ZCCHC2: variants seen among roughly 807,000 people sequenced by gnomAD.
The protein encoded by ZCCHC2 is zinc finger CCHC-type containing 2.
Under a neutral mutation model 103.6 loss-of-function variants are expected in ZCCHC2, and 39 were observed. The observed-to-expected ratio is 0.38, with a 90% CI of 0.29 to 0.49. ZCCHC2 has a LOEUF of 0.49. ZCCHC2 is among the 20% of genes least tolerant of loss of function. The probability of loss-of-function intolerance (pLI) is 0.96; values close to 1 mark genes in which losing one functional copy is unlikely to be tolerated. For synonymous variants in ZCCHC2, 687 were observed against 608.9 expected (o/e 1.13, Z -1.89); for missense variants, 1,483 against 1,491.0 (o/e 0.99, Z 0.09).
chr18:62,536,577 A>G (rs1038874077), intron 1 of ZCCHC2, among the ~76,000 whole-genome samples: 10 of 152,170 alleles, frequency 6.6e-5, no homozygotes, highest in African/African-American at 2.4e-4. Context: ...TAAGGAAAGT[A>G]AAGAGGGAGT....
At chr18:62,546,669 C>G (rs1307643554) in intron 4 of ZCCHC2, among the ~76,000 whole-genome samples, 1 of 152,184 alleles carries the variant, frequency 6.6e-6, no homozygotes, top group Non-Finnish European at 1.5e-5. Flanking sequence ...CAGCTGACCC[C>G]CAGCTGAGGC....
At chr18:62,555,738 G>A (rs1173117094) in intron 5 of ZCCHC2, among the ~76,000 whole-genome samples, 1 of 152,120 alleles carries the variant, frequency 6.6e-6, no homozygotes, top group Non-Finnish European at 1.5e-5. Flanking sequence ...AACCTGGGAG[G>A]CGGAGGTTGC....
chr18:62,585,295 T>G (rs1396257734), exon 15 of ZCCHC2: 2 of 152,286 alleles, frequency 1.3e-5, no homozygotes, highest in Non-Finnish European at 2.9e-5. Flanking sequence ...TTAAATCTAC[T>G]GAAGCAGTGG....
intron 1 of ZCCHC2, among the ~76,000 whole-genome samples, chr18:62,534,931 C>T (rs994459538): frequency 6.6e-6 from 1 of 152,238 alleles, no homozygotes; most frequent in African/African-American, 2.4e-5. Context: ...AAATCAGTTA[C>T]TGCCGTAGAT....
chr18:62,532,140 C>T (rs1352410213), intron 1 of ZCCHC2, among the ~76,000 whole-genome samples: 3 of 152,188 alleles, frequency 2.0e-5, no homozygotes, highest in Non-Finnish European at 4.4e-5. Context: ...CGCGCACGTG[C>T]GCCCTTATGG....
chr18:62,580,516 GT>G (rs1917015271), downstream of ZCCHC2, among the ~76,000 whole-genome samples: 1 of 146,986 alleles, frequency 6.8e-6, no homozygotes, highest in African/African-American at 2.7e-5. Context: ...TGGTGTCACA[GT>G]GCTGTGGAAG....
intron 3 of ZCCHC2, 64 bp downstream of exon 3, chr18:62,542,638 G>T: frequency 7.1e-7 from 1 of 1,410,604 alleles, no homozygotes; most frequent in Non-Finnish European, 9.7e-7. Flanking sequence ...GGGAAAACTT[G>T]TGGCAGGTTT....
intron 4 of ZCCHC2, among the ~76,000 whole-genome samples, chr18:62,546,622 G>C (rs1484033799): frequency 1.3e-5 from 2 of 152,274 alleles, no homozygotes; most frequent in African/African-American, 4.8e-5. Context: ...GTGCGTGTGG[G>C]GTCCTGCTTC....
Position 62,564,714 on chromosome 18 carries a change from A to G in ZCCHC2, c.1751+79A>G, listed in dbSNP as rs1178129886. ...AGTTTATGATAGTATACAACATAGTATTTTTTTAGTTAGTTTTCTTTATAT... is the reference window on the plus strand; with the variant it reads ...AGTTTATGATAGTATACAACATAGTGTTTTTTTAGTTAGTTTTCTTTATAT... On this transcript the variant is annotated intron_variant, in intron 10 of 13. Transcript: ENST00000269499. The G allele has an allele frequency of 9.2e-6, 10 of 1,084,932 alleles. No individual in the cohort carries two copies. The South Asian group carries it at 1.8e-4, about 20-fold the overall frequency. 67.2% of individuals were successfully genotyped at this position (1,084,932 alleles called of 1,614,324 possible).
intron 1 of ZCCHC2, among the ~76,000 whole-genome samples, chr18:62,536,657 A>C (rs1914942547): frequency 6.6e-6 from 1 of 152,208 alleles, no homozygotes; most frequent in Non-Finnish European, 1.5e-5. Context: ...CAGCTCATGC[A>C]GCGTTACATG....
downstream of ZCCHC2, chr18:62,581,977 C>A: frequency 6.4e-6 from 1 of 156,112 alleles, no homozygotes; most frequent in South Asian, 1.8e-4. Flanking sequence ...GAAGGGGACG[C>A]AGGCTGGGCA....
intron 3 of ZCCHC2, among the ~76,000 whole-genome samples, chr18:62,544,561 A>G (rs945980765): frequency 6.6e-6 from 1 of 152,252 alleles, no homozygotes; most frequent in African/African-American, 2.4e-5. Flanking sequence ...TCACATTTTC[A>G]GATAGGTTTT....
chr18:62,546,703 G>T (rs1483855006), intron 4 of ZCCHC2, among the ~76,000 whole-genome samples: 1 of 152,216 alleles, frequency 6.6e-6, no homozygotes, highest in Non-Finnish European at 1.5e-5. Flanking sequence ...CATGGAGTCT[G>T]CCTTCTACTG....
At chr18:62,543,911 A>C (rs1373568476) in intron 3 of ZCCHC2, among the ~76,000 whole-genome samples, 1 of 152,226 alleles carries the variant, frequency 6.6e-6, no homozygotes, top group Non-Finnish European at 1.5e-5. Flanking sequence ...CTCCACAAAC[A>C]TTTGAATACT....
At chr18:62,554,559 C>T (rs1915801718) in intron 5 of ZCCHC2, among the ~76,000 whole-genome samples, 1 of 152,020 alleles carries the variant, frequency 6.6e-6, no homozygotes, top group African/African-American at 2.4e-5. Context: ...ATTTCAGTCC[C>T]CGCCTTTATC....
chr18:62,556,973 C>T (rs1915911574), intron 6 of ZCCHC2, among the ~76,000 whole-genome samples: 2 of 152,182 alleles, frequency 1.3e-5, no homozygotes, highest in East Asian at 3.8e-4. Flanking sequence ...GCTCCCTGTG[C>T]TCTGTCTCCT....
intron 7 of ZCCHC2, among the ~76,000 whole-genome samples, chr18:62,559,295 C>T (rs1354371879): frequency 6.6e-6 from 1 of 152,148 alleles, no homozygotes; most frequent in Non-Finnish European, 1.5e-5. Context: ...ATGGAAGGAT[C>T]TTCCTAAAAA....
downstream of ZCCHC2, among the ~76,000 whole-genome samples, chr18:62,580,593 ACGG>A (rs1360506267): frequency 2.4e-4 from 13 of 54,316 alleles, no homozygotes; most frequent in African/African-American, 1.1e-3. Context: ...CCCTCCCGAG[ACGG>A]TGTCACAGCG....
intron 4 of ZCCHC2, among the ~76,000 whole-genome samples, chr18:62,545,886 A>G (rs904043376): frequency 6.6e-5 from 10 of 152,208 alleles, no homozygotes; most frequent in Admixed American, 4.6e-4. Context: ...TTTATTCATC[A>G]ACTTGTAGAG....
Sources: gnomAD v4.1 joint callset for allele counts (sites outside exome capture counted in the v4.1 genomes callset) on GRCh38, gnomAD v4.1.1 for gene constraint, MANE v1.5 for transcripts, NCBI Gene and HGNC (gene_info 2026-07-23, HGNC 2026-07-21) for gene names.